DMD: variants seen among roughly 807,000 people sequenced by gnomAD.
The protein encoded by DMD is mutant dystrophin.
A neutral mutation model predicts 330.1 loss-of-function variants in DMD; 63 were observed. The ratio of observed to expected loss-of-function variants is 0.19; its 90% confidence interval spans 0.16 to 0.24. The LOEUF (loss-of-function observed/expected upper bound fraction) is 0.24, where lower values mean the gene tolerates loss of function less well. Among genes scored for constraint, DMD ranks in the 10% least tolerant of loss-of-function variants. The probability of loss-of-function intolerance (pLI) is 1.00; values close to 1 mark genes in which losing one functional copy is unlikely to be tolerated. For missense variants in DMD, 3,344 were observed against 2,684.1 expected (o/e 1.25, Z -5.43); for synonymous variants, 1,223 against 959.8 (o/e 1.27, Z -5.07).
chrX:33,284,384 C>T (rs1267914286), intron 1 of DMD, among the ~76,000 whole-genome samples: 4 of 110,878 alleles, frequency 3.6e-5, no homozygotes, highest in African/African-American at 9.8e-5. Flanking sequence ...AGTGCATAGC[C>T]AAAAATTTAT....
rs757441503 is a variant in DMD, at chrX:32,027,164, G to GCACACA, written c.6439-58656_6439-58651dup. Among the ~76,000 whole-genome samples the GCACACA allele has an allele frequency of 6.5e-3, 585 of 89,487 alleles. 3 individuals are homozygous for GCACACA. Among genetic ancestry groups the GCACACA allele is most frequent in the African/African-American group, 0.016 (370 of 22,770 alleles). The allele number at this position is 89,487 out of a possible 115,157, so 77.7% of individuals were successfully genotyped here. On this transcript the variant is annotated intron_variant, in intron 44 of 78. Coordinates refer to ENST00000357033, the MANE Select transcript of DMD (RefSeq NM_004006.3). Reference sequence around the variant, plus strand: ...TTATGACACACACACACACGCACGTGCACACACACACACACACACAGAGAG... The same window carrying GCACACA: ...TTATGACACACACACACACGCACGTGCACACACACACACACACACACACACAGAGAG...
At chrX:31,189,381 C>T (rs988961925) in intron 67 of DMD, among the ~76,000 whole-genome samples, 1 of 111,353 alleles carries the variant, frequency 9.0e-6, no homozygotes, top group Non-Finnish European at 1.9e-5. Context: ...AAAATCCACG[C>T]ATACGCAAGT....
chrX:32,540,521 A>G (rs2048392257), intron 17 of DMD, among the ~76,000 whole-genome samples: 1 of 111,682 alleles, frequency 9.0e-6, no homozygotes, highest in African/African-American at 3.3e-5. Flanking sequence ...TATTATTAAG[A>G]ACAATTCCAG....
At chrX:32,335,979 TGTTATATATAACGTGTATATATAAC>T (rs1369513506) in intron 41 of DMD, among the ~76,000 whole-genome samples, 33,434 of 83,669 alleles carry the variant, frequency 0.4, 9,024 homozygotes, top group East Asian at 0.58. Context: ...GTGTATAACA[TGTTATATATAACGTGTATATATAAC>T]GTTATATATA....
At chrX:32,305,721 A>C in intron 42 of DMD, among the ~76,000 whole-genome samples, 1 of 111,372 alleles carries the variant, frequency 9.0e-6, no homozygotes, top group East Asian at 2.9e-4. Context: ...CATCTCATTT[A>C]GAATCTTCTT....
intron 43 of DMD, among the ~76,000 whole-genome samples, chrX:32,277,354 T>C (rs1309352722): frequency 2.7e-5 from 3 of 111,453 alleles, no homozygotes; most frequent in Non-Finnish European, 5.7e-5. Context: ...GAGAAAGACC[T>C]CAATACAATA....
chrX:31,239,345 C>T (rs1209034368), intron 63 of DMD, among the ~76,000 whole-genome samples: 1 of 111,710 alleles, frequency 9.0e-6, no homozygotes, highest in Non-Finnish European at 1.9e-5. Context: ...AATATATATA[C>T]TTTTTATTAA....
At chrX:31,309,770 T>C (rs760112752) in intron 62 of DMD, among the ~76,000 whole-genome samples, 2 of 112,252 alleles carry the variant, frequency 1.8e-5, no homozygotes, top group South Asian at 3.7e-4. Flanking sequence ...TATTAACAGA[T>C]ACGTTTTTAA....
At chrX:32,959,252 C>T (rs2091769427) in intron 2 of DMD, among the ~76,000 whole-genome samples, 1 of 111,162 alleles carries the variant, frequency 9.0e-6, no homozygotes, top group Non-Finnish European at 1.9e-5. Flanking sequence ...AAATAATTTG[C>T]CTGAGAGCAT....
intron 76 of DMD, among the ~76,000 whole-genome samples, chrX:31,138,200 A>G (rs2035502809): frequency 8.9e-6 from 1 of 111,789 alleles, no homozygotes; most frequent in Non-Finnish European, 1.9e-5. Context: ...CCCAAGAAGG[A>G]TGAGAGACAT....
chrX:31,823,467 GT>G (rs1235518597), intron 49 of DMD, among the ~76,000 whole-genome samples: 1 of 111,912 alleles, frequency 8.9e-6, no homozygotes, highest in African/African-American at 3.2e-5. Flanking sequence ...AGATAAATAA[GT>G]TTCTTTTCCC....
rs555374715 is a variant in DMD at position 33,113,371 on chromosome X, G to C, written c.32-93171C>G. On this transcript the variant is annotated intron_variant, in intron 1 of 78. Transcript: ENST00000357033. Reference sequence around the variant, plus strand: ...CGTGCCCGGCCTCAACATTACTTTCGATCTCAAGACTGGAAGTGCAGTACT... The same window carrying C: ...CGTGCCCGGCCTCAACATTACTTTCCATCTCAAGACTGGAAGTGCAGTACT... 2.7e-5 allele frequency among the ~76,000 whole-genome samples: 3 copies of C among 111,255 alleles called. No homozygotes were observed. The South Asian group carries it at 1.1e-3, about 42-fold the overall frequency.
intron 59 of DMD, among the ~76,000 whole-genome samples, chrX:31,471,347 T>C (rs7891525): frequency 0.28 from 30,925 of 110,946 alleles, 4,145 homozygotes; most frequent in African/African-American, 0.52. Context: ...GTGTCTGGGC[T>C]GGAATGCTCC....
intron 1 of DMD, among the ~76,000 whole-genome samples, chrX:33,154,140 T>C (rs990871584): frequency 8.9e-6 from 1 of 112,207 alleles, no homozygotes; most frequent in Admixed American, 9.5e-5. Flanking sequence ...CTCATGCCTG[T>C]AATCCCAGCA....
At chrX:32,701,728 A>G (rs2064151136) in intron 7 of DMD, among the ~76,000 whole-genome samples, 1 of 111,774 alleles carries the variant, frequency 8.9e-6, no homozygotes, top group Non-Finnish European at 1.9e-5. Flanking sequence ...TGTGTTATAC[A>G]TAGACACATG....
intron 45 of DMD, among the ~76,000 whole-genome samples, chrX:31,964,670 G>T (rs1022695889): frequency 9.1e-6 from 1 of 109,312 alleles, no homozygotes; most frequent in South Asian, 3.9e-4. Flanking sequence ...TAGAGAAAGC[G>T]AGAGAAAAAA....
Position 32,886,450 on chromosome X carries a change from G to A in DMD, c.94-36630C>T, listed in dbSNP as rs930464985. ...TGTAATCCCAGCACTTTGGGAGGCC[G>A]AGGTGGGAAGATTACAAGGTCAGGA... On this transcript the variant is annotated intron_variant, in intron 2 of 78. Transcript: ENST00000357033. Among the ~76,000 whole-genome samples the A allele has an allele frequency of 6.3e-5, 7 of 111,090 alleles. No individual in the cohort carries two copies. In the South Asian group the frequency reaches 2.7e-3, roughly 43 times the overall value.
At chrX:33,020,227 G>C (rs867809282) in intron 1 of DMD, 27 bp from the exon 2 acceptor site, 2 of 1,024,008 alleles carry the variant, frequency 2.0e-6, no homozygotes, top group Non-Finnish European at 2.7e-6. Context: ...AAAAATAAAA[G>C]TTAGGAAGCA....
intron 2 of DMD, among the ~76,000 whole-genome samples, chrX:33,004,580 C>T (rs531825987): frequency 1.8e-5 from 2 of 110,819 alleles, no homozygotes; most frequent in East Asian, 2.8e-4. Flanking sequence ...ATCCCTTCAT[C>T]GATATTTATT....
Sources: gnomAD v4.1 joint callset for allele counts (sites outside exome capture counted in the v4.1 genomes callset) on GRCh38, gnomAD v4.1.1 for gene constraint, MANE v1.5 for transcripts, NCBI Gene and HGNC (gene_info 2026-07-23, HGNC 2026-07-21) for gene names.